Variants in CHRM2 observed in about 807,000 individuals in gnomAD.
The protein encoded by CHRM2 is muscarinic acetylcholine receptor M2.
A neutral mutation model predicts 25.0 loss-of-function variants in CHRM2; 8 were observed. The ratio of observed to expected loss-of-function variants is 0.32; its 90% CI spans 0.19 to 0.58. CHRM2 has a LOEUF of 0.58. Among genes scored for constraint, CHRM2 ranks in the 20% least tolerant of loss-of-function variants. The pLI is 0.88. For missense variants in CHRM2, 440 were observed against 567.1 expected (o/e 0.78, Z 2.28); for synonymous variants, 202 against 205.7 (o/e 0.98, Z 0.15).
At chr7:137,013,819 C>T (rs958382260) in intron 3 of CHRM2, among the ~76,000 whole-genome samples, 2 of 151,962 alleles carry the variant, frequency 1.3e-5, no homozygotes, top group East Asian at 1.9e-4. Context: ...CATCATTGAA[C>T]GTCCAGAACA....
intron 2 of CHRM2, among the ~76,000 whole-genome samples, chr7:136,986,283 T>A (rs1406868992): frequency 6.6e-6 from 1 of 152,208 alleles, no homozygotes; most frequent in Non-Finnish European, 1.5e-5. Context: ...ATCATCTTAC[T>A]CCCTTTCCTT....
chr7:136,996,546 G>A (rs914831609), intron 3 of CHRM2, among the ~76,000 whole-genome samples: 1 of 151,864 alleles, frequency 6.6e-6, no homozygotes, highest in African/African-American at 2.4e-5. Context: ...TATAACTTTG[G>A]CCAATGATCT....
chr7:136,921,461 G>C (rs1356551325), intron 2 of CHRM2, among the ~76,000 whole-genome samples: 3 of 152,100 alleles, frequency 2.0e-5, no homozygotes, highest in African/African-American at 4.8e-5. Context: ...CAAGTTGACA[G>C]CTCCCCATTC....
intron 2 of CHRM2, among the ~76,000 whole-genome samples, chr7:136,876,242 G>T (rs570847496): frequency 1.4e-4 from 22 of 152,248 alleles, no homozygotes; most frequent in African/African-American, 5.1e-4. Context: ...TATTTACAAA[G>T]GAGTTAACTT....
At chr7:136,948,926 T>C (rs985935870) in intron 2 of CHRM2, among the ~76,000 whole-genome samples, 4 of 152,072 alleles carry the variant, frequency 2.6e-5, no homozygotes, top group Non-Finnish European at 5.9e-5. Context: ...CCACAGACAT[T>C]TCAGAACAAG....
At position 136,966,684 on chromosome 7, in the gene CHRM2, T is replaced by C. The variant is rs546856292; in HGVS notation, c.-124-25503T>C. The stretch of plus-strand genomic sequence containing the variant: ...TCTGTGTTTTTAATACAAACCGTAA[T>C]ACACAGTGAGTCTATAAGTATAACT... On this transcript the variant is annotated intron_variant, in intron 2 of 3. Coordinates refer to ENST00000680005, the MANE Select transcript of CHRM2 (RefSeq NM_001006630.2). Among the ~76,000 whole-genome samples, 5 of 151,200 alleles carry C rather than the reference T, an allele frequency of 3.3e-5. 1 individual carries two copies. The highest frequency in any genetic ancestry group is 1.2e-4 in the African/African-American group (5 of 41,304).
At chr7:137,009,621 A>G (rs74907321) in intron 3 of CHRM2, among the ~76,000 whole-genome samples, 5,677 of 152,146 alleles carry the variant, frequency 0.037, 183 homozygotes, top group African/African-American at 0.086. Flanking sequence ...TAGCAGCTAC[A>G]TGACACTGTT....
In CHRM2 at chr7:137,019,392, G is replaced by C; in HGVS notation, c.*3126G>C. On this transcript the variant is annotated 3_prime_UTR_variant, in exon 4 of 4. Transcript: ENST00000680005. ...AGCATCTTAATGTTCAATTATGATT[G>C]CCACAGATCTAGTCAATTGAGGTTG... is the stretch of plus-strand genomic sequence containing the variant. The C allele has an allele frequency of 6.6e-6, 1 of 151,808 alleles. No homozygotes were observed. Among genetic ancestry groups the C allele is most frequent in the East Asian group, 1.9e-4 (1 of 5,142 alleles). The allele number at this position is 151,808 out of a possible 1,614,324, so 9.4% of individuals were successfully genotyped here.
intron 2 of CHRM2, among the ~76,000 whole-genome samples, chr7:136,900,128 A>G (rs1206616240): frequency 2.0e-5 from 3 of 152,050 alleles, no homozygotes; most frequent in Non-Finnish European, 4.4e-5. Flanking sequence ...GAGAAATGAA[A>G]TTCCGTCAGA....
In CHRM2 at chr7:136,957,905, A is replaced by G. The variant is rs543153770; in HGVS notation, c.-124-34282A>G. ...AAGTTTTTAAATCAATTCACTAAGA[A>G]TATCAAACTGAAATTTGACACTTTA... On this transcript the variant is annotated intron_variant, in intron 2 of 3. Transcript: ENST00000680005. 8.5e-5 allele frequency among the ~76,000 whole-genome samples: 13 copies of G among 152,396 alleles called. 1 individual carries two copies. Among genetic ancestry groups the G allele is most frequent in the African/African-American group, 3.1e-4 (13 of 41,596 alleles).
chr7:136,912,578 C>T (rs1775329301), intron 2 of CHRM2, among the ~76,000 whole-genome samples: 1 of 151,924 alleles, frequency 6.6e-6, no homozygotes, highest in Admixed American at 6.6e-5. Context: ...AAAAGGCCTC[C>T]TCTTTCTTAT....
intron 2 of CHRM2, among the ~76,000 whole-genome samples, chr7:136,909,124 G>A (rs1422347607): frequency 6.6e-6 from 1 of 151,864 alleles, no homozygotes; most frequent in Non-Finnish European, 1.5e-5. Context: ...GAATCCCACT[G>A]GAATTTCATC....
intron 2 of CHRM2, among the ~76,000 whole-genome samples, chr7:136,892,885 G>A (rs1263667409): frequency 2.6e-5 from 4 of 151,976 alleles, no homozygotes; most frequent in Non-Finnish European, 5.9e-5. Context: ...GGCCAAGCTG[G>A]TCTCGAACTC....
chr7:137,008,737 T>C (rs1247543624), intron 3 of CHRM2, among the ~76,000 whole-genome samples: 1 of 152,084 alleles, frequency 6.6e-6, no homozygotes, highest in Non-Finnish European at 1.5e-5. Context: ...AAACATTAGG[T>C]GAATTCCTCT....
At chr7:136,878,534 T>C (rs1277609650) in intron 2 of CHRM2, among the ~76,000 whole-genome samples, 1 of 151,860 alleles carries the variant, frequency 6.6e-6, no homozygotes, top group Non-Finnish European at 1.5e-5. Flanking sequence ...GTTATATCCT[T>C]ATCAGGGGAA....
In CHRM2 at chr7:137,017,466, T is replaced by C. The variant is rs567888685; in HGVS notation, c.*1200T>C. 2.0e-5 allele frequency: 3 copies of C among 152,080 alleles called. No individual in the cohort carries two copies. Among genetic ancestry groups the C allele is most frequent in the South Asian group, 4.1e-4 (2 of 4,826 alleles). The allele number at this position is 152,080 out of a possible 1,614,324, so 9.4% of individuals were successfully genotyped here. ...GATTTCTGGGCCAGTCCCTAGAGAA[T>C]AGAACCTTCTATCCAATGCCTGCTA... On this transcript the variant is annotated 3_prime_UTR_variant, in exon 4 of 4. Transcript: ENST00000680005.
chr7:136,939,558 T>C (rs1335168728), intron 2 of CHRM2, among the ~76,000 whole-genome samples: 1 of 152,252 alleles, frequency 6.6e-6, no homozygotes, highest in African/African-American at 2.4e-5. Flanking sequence ...GTATATGTTA[T>C]TACTTTCCTC....
At chr7:136,961,743 G>C (rs758115779) in intron 2 of CHRM2, among the ~76,000 whole-genome samples, 2 of 151,886 alleles carry the variant, frequency 1.3e-5, no homozygotes, top group Non-Finnish European at 2.9e-5. Context: ...AGAGAAAAGA[G>C]GTAGGAAAAG....
At chr7:136,993,073 C>T (rs1330078137) in intron 3 of CHRM2, among the ~76,000 whole-genome samples, 1 of 152,154 alleles carries the variant, frequency 6.6e-6, no homozygotes, top group Non-Finnish European at 1.5e-5. Context: ...ATCAAATTGA[C>T]ACATAAAATT....
Sources: allele counts gnomAD v4.1 joint callset (sites outside exome capture counted in the v4.1 genomes callset), GRCh38; gene constraint gnomAD v4.1.1; transcripts MANE v1.5; gene names NCBI Gene and HGNC (gene_info 2026-07-23, HGNC 2026-07-21).